The following PPIL6 variants were observed in gnomAD, a reference collection of about 807,000 sequenced individuals.
PPIL6 encodes the protein probable inactive peptidyl-prolyl cis-trans isomerase-like 6.
In PPIL6, 39 loss-of-function variants were observed where a neutral mutation model predicts 36.8. The ratio of observed to expected loss-of-function variants is 1.06; its 90% CI spans 0.82 to 1.38. The LOEUF (loss-of-function observed/expected upper bound fraction) is 1.38. Ranked by LOEUF, PPIL6 falls within the 40% of genes most tolerant of loss-of-function variation. PPIL6 has a pLI of 0.00. For synonymous variants in PPIL6, 123 were observed against 134.1 expected (o/e 0.92, Z 0.57); for missense variants, 368 against 379.1 (o/e 0.97, Z 0.24).
Position 109,426,998 on chromosome 6 carries a change from C to T in PPIL6, c.484-4G>A. Reference sequence around the variant, plus strand: ...TGGGACACACATCACAGTATAGCTACAAAATAAAGACAAAAGGTTTCAAAG... The same window carrying T: ...TGGGACACACATCACAGTATAGCTATAAAATAAAGACAAAAGGTTTCAAAG... On this transcript the variant is annotated splice_polypyrimidine_tract_variant and splice_region_variant and intron_variant, in intron 4 of 7. Coordinates refer to ENST00000521072, the MANE Select transcript of PPIL6 (RefSeq NM_173672.5). The T allele has an allele frequency of 6.2e-7, 1 of 1,603,778 alleles. No individual in the cohort carries two copies. The highest frequency in any genetic ancestry group is 8.5e-7 in the Non-Finnish European group (1 of 1,172,690).
intron 5 of PPIL6, 50 bp from the exon 6 acceptor site, chr6:109,419,293 A>T: frequency 8.0e-7 from 1 of 1,254,188 alleles, no homozygotes; most frequent in Non-Finnish European, 1.2e-6. Context: ...GAAAAGATTT[A>T]GGATACAATA....
At chr6:109,397,178 A>AT (rs1475517723) in intron 7 of PPIL6, among the ~76,000 whole-genome samples, 1 of 150,096 alleles carries the variant, frequency 6.7e-6, no homozygotes, top group Admixed American at 6.8e-5. Context: ...TAATTTGGAG[A>AT]TTTAAGGAAT....
chr6:109,440,193 C>A (rs953676237), intron 1 of PPIL6: 7 of 556,514 alleles, frequency 1.3e-5, no homozygotes, highest in African/African-American at 1.1e-4. Context: ...TATCTCCCAG[C>A]GCGGTTCTGA....
chr6:109,430,201 C>T (rs1300320945), intron 3 of PPIL6, among the ~76,000 whole-genome samples: 1 of 152,224 alleles, frequency 6.6e-6, no homozygotes, highest in African/African-American at 2.4e-5. Context: ...AGCATTGGCT[C>T]ACTGTAGGCA....
intron 6 of PPIL6, among the ~76,000 whole-genome samples, chr6:109,416,512 C>CTT (rs35346449): frequency 6.5e-5 from 9 of 139,274 alleles, no homozygotes; most frequent in African/African-American, 7.9e-5. Flanking sequence ...CTTTTTGTGG[C>CTT]TTTTTTTTTT....
At chr6:109,419,804 A>G (rs1422482796) in intron 5 of PPIL6, among the ~76,000 whole-genome samples, 2 of 152,178 alleles carry the variant, frequency 1.3e-5, no homozygotes, top group Non-Finnish European at 2.9e-5. Context: ...CAATATCCAC[A>G]CTATGAAAAT....
chr6:109,406,237 A>G (rs1772795004), intron 6 of PPIL6, among the ~76,000 whole-genome samples: 1 of 149,460 alleles, frequency 6.7e-6, no homozygotes, highest in Admixed American at 6.7e-5. Flanking sequence ...TTTTTTTAAG[A>G]GATGGGATCT....
intron 7 of PPIL6, among the ~76,000 whole-genome samples, chr6:109,395,877 C>G (rs1318713177): frequency 7.1e-6 from 1 of 141,194 alleles, no homozygotes; most frequent in Non-Finnish European, 1.5e-5. Context: ...ACCCTGTCAC[C>G]AAGTCTGTAG....
chr6:109,413,111 T>C lies in PPIL6; in HGVS notation c.688+6076A>G, dbSNP rs1462329961. Among the ~76,000 whole-genome samples, 1 of 152,186 alleles carries C rather than the reference T, an allele frequency of 6.6e-6. No individual in the cohort carries two copies. Among genetic ancestry groups the C allele is most frequent in the African/African-American group, 2.4e-5 (1 of 41,444 alleles). On this transcript the variant is annotated intron_variant, in intron 6 of 7. Coordinates refer to ENST00000521072, the MANE Select transcript of PPIL6 (RefSeq NM_173672.5). The surrounding 1 kb of genome is among the most constrained non-coding windows in gnomAD (Gnocchi z 4.6). The stretch of plus-strand genomic sequence containing the variant: ...CAGCGGAGGTTGCAGTGAGCTGAGA[T>C]GGCACCACTGCATTCTATCCTGGGT...
At chr6:109,419,004 T>C (rs575538094) in intron 6 of PPIL6, among the ~76,000 whole-genome samples, 183 bp downstream of exon 6, 1 of 152,250 alleles carries the variant, frequency 6.6e-6, no homozygotes, top group South Asian at 2.1e-4. Flanking sequence ...AAAAAATATG[T>C]GTGTATGAAG....
intron 3 of PPIL6, among the ~76,000 whole-genome samples, chr6:109,430,676 T>C (rs957972982): frequency 6.6e-6 from 1 of 152,182 alleles, no homozygotes; most frequent in Non-Finnish European, 1.5e-5. Flanking sequence ...CCACCTGCCT[T>C]GGCCTCCCAA....
At chr6:109,425,253 A>C (rs930531199) in intron 5 of PPIL6, among the ~76,000 whole-genome samples, 2 of 152,220 alleles carry the variant, frequency 1.3e-5, no homozygotes, top group South Asian at 4.1e-4. Flanking sequence ...ATTTGAATCT[A>C]GCAATCCAAC....
chr6:109,431,440 C>T, intron 2 of PPIL6, 95 bp from the exon 3 acceptor site: 2 of 799,924 alleles, frequency 2.5e-6, no homozygotes, highest in South Asian at 4.8e-5. Flanking sequence ...AACTCTAGGT[C>T]TGAATTTGTC....
intron 1 of PPIL6, among the ~76,000 whole-genome samples, chr6:109,438,013 C>T (rs995679067): frequency 1.3e-5 from 2 of 152,066 alleles, no homozygotes; most frequent in Admixed American, 6.6e-5. Flanking sequence ...TGTTCCTATT[C>T]TCTACAAATT....
intron 1 of PPIL6, among the ~76,000 whole-genome samples, chr6:109,437,807 C>T (rs895001577): frequency 1.3e-5 from 2 of 152,086 alleles, no homozygotes; most frequent in Non-Finnish European, 2.9e-5. Flanking sequence ...TGACCTTAGG[C>T]GATCTGCCTG....
At chr6:109,394,370 C>CAAAAA (rs560635029) in intron 7 of PPIL6, among the ~76,000 whole-genome samples, 2 of 50,268 alleles carry the variant, frequency 4.0e-5, no homozygotes, top group African/African-American at 6.7e-5. Flanking sequence ...AGACTTATCT[C>CAAAAA]AAAAAAAAAA....
At chr6:109,422,068 G>T (rs1290996202) in intron 5 of PPIL6, among the ~76,000 whole-genome samples, 1 of 152,034 alleles carries the variant, frequency 6.6e-6, no homozygotes, top group Non-Finnish European at 1.5e-5. Flanking sequence ...GTAGAGAGGG[G>T]GGTTTCACCA....
intron 2 of PPIL6, among the ~76,000 whole-genome samples, chr6:109,433,791 A>C (rs898285156): frequency 1.3e-5 from 2 of 152,220 alleles, no homozygotes; most frequent in African/African-American, 4.8e-5. Flanking sequence ...TTAAGGTAAC[A>C]AACAGCCAGA....
chr6:109,422,031 C>G (rs1185434097), intron 5 of PPIL6, among the ~76,000 whole-genome samples: 1 of 152,134 alleles, frequency 6.6e-6, no homozygotes, highest in Non-Finnish European at 1.5e-5. Context: ...CGCATGCCAC[C>G]ACGCCCAGCT....
Sources: allele counts gnomAD v4.1 joint callset (sites outside exome capture counted in the v4.1 genomes callset), GRCh38; gene constraint gnomAD v4.1.1; non-coding constraint Gnocchi (gnomAD v3.1); transcripts MANE v1.5; gene names NCBI Gene and HGNC (gene_info 2026-07-23, HGNC 2026-07-21).